FHIT: variants seen among roughly 807,000 people sequenced by gnomAD.
FHIT encodes the protein fragile histidine triad diadenosine triphosphatase.
In FHIT, 19 loss-of-function variants were observed where a neutral mutation model predicts 17.9. The observed-to-expected ratio is 1.06, with a 90% confidence interval of 0.74 to 1.56. The LOEUF (loss-of-function observed/expected upper bound fraction) is 1.56. Among genes scored for constraint, FHIT ranks in the 40% most tolerant of loss-of-function variants. The probability of loss-of-function intolerance (pLI) is 0.00; values close to 1 mark genes in which losing one functional copy is unlikely to be tolerated. For missense variants in FHIT, 248 were observed against 189.2 expected (o/e 1.31, Z -1.82); for synonymous variants, 81 against 69.7 (o/e 1.16, Z -0.81).
intron 5 of FHIT, among the ~76,000 whole-genome samples, chr3:60,165,864 G>T (rs1701149880): frequency 6.6e-6 from 1 of 152,142 alleles, no homozygotes; most frequent in African/African-American, 2.4e-5. Flanking sequence ...TCAGGGCTGT[G>T]TGTGTATATT....
intron 5 of FHIT, among the ~76,000 whole-genome samples, chr3:60,511,321 T>C (rs2034942546): frequency 6.6e-6 from 1 of 152,196 alleles, no homozygotes; most frequent in South Asian, 2.1e-4. Flanking sequence ...TACTGAGCTA[T>C]ACAGAAATGG....
At chr3:60,089,121 G>A (rs868381189) in intron 5 of FHIT, among the ~76,000 whole-genome samples, 25 of 152,154 alleles carry the variant, frequency 1.6e-4, no homozygotes, top group African/African-American at 5.8e-4. Context: ...ACAGCTAGCT[G>A]CATAATTCCA....
intron 4 of FHIT, among the ~76,000 whole-genome samples, chr3:60,709,386 T>C (rs2041458083): frequency 6.6e-6 from 1 of 152,102 alleles, no homozygotes; most frequent in Non-Finnish European, 1.5e-5. Context: ...AGAAGGAATA[T>C]TTTAATAGCC....
intron 4 of FHIT, among the ~76,000 whole-genome samples, chr3:60,561,386 C>A (rs1472242766): frequency 1.3e-5 from 2 of 152,008 alleles, no homozygotes; most frequent in African/African-American, 4.8e-5. Flanking sequence ...CCAGTTACAA[C>A]CAAGTTATAG....
chr3:61,037,868 T>A (rs192252771), intron 3 of FHIT, among the ~76,000 whole-genome samples: 1 of 152,264 alleles, frequency 6.6e-6, no homozygotes, highest in African/African-American at 2.4e-5. Flanking sequence ...AGTTACCCAG[T>A]CTCACATATT....
chr3:60,744,816 C>T (rs2042324338), intron 4 of FHIT, among the ~76,000 whole-genome samples: 1 of 152,168 alleles, frequency 6.6e-6, no homozygotes, highest in Non-Finnish European at 1.5e-5. Context: ...GGCCCATCTT[C>T]TGATTAAACT....
At chr3:60,583,062 C>G (rs1397310430) in intron 4 of FHIT, among the ~76,000 whole-genome samples, 4 of 151,738 alleles carry the variant, frequency 2.6e-5, no homozygotes, top group African/African-American at 7.3e-5. Context: ...GCGTCTAAAT[C>G]AGAACATGTC....
chr3:59,806,890 G>C (rs1010824038), intron 8 of FHIT, among the ~76,000 whole-genome samples: 2 of 152,010 alleles, frequency 1.3e-5, no homozygotes, highest in Non-Finnish European at 2.9e-5. Context: ...TCAAGAAAAA[G>C]ATAAGGGAAA....
intron 5 of FHIT, among the ~76,000 whole-genome samples, chr3:60,127,534 C>T (rs1705610017): frequency 6.6e-6 from 1 of 152,134 alleles, no homozygotes; most frequent in African/African-American, 2.4e-5. Flanking sequence ...AGTTTACATA[C>T]TAAGTTACTC....
At chr3:60,511,084 A>G (rs1464717163) in intron 5 of FHIT, among the ~76,000 whole-genome samples, 1 of 152,144 alleles carries the variant, frequency 6.6e-6, no homozygotes, top group Non-Finnish European at 1.5e-5. Context: ...TCTAAACTCT[A>G]TCATCAGAAT....
intron 5 of FHIT, among the ~76,000 whole-genome samples, chr3:60,042,836 T>C (rs1701497033): frequency 6.6e-6 from 1 of 152,152 alleles, no homozygotes; most frequent in Non-Finnish European, 1.5e-5. Context: ...TAAAAGCTAG[T>C]GGCTGGGATA....
chr3:60,190,340 G>T (rs1222241573), intron 5 of FHIT, among the ~76,000 whole-genome samples: 1 of 151,464 alleles, frequency 6.6e-6, no homozygotes, highest in Non-Finnish European at 1.5e-5. Flanking sequence ...CAGAGAGTGG[G>T]AGTGAGATGA....
chr3:60,231,754 T>C (rs931088822), intron 5 of FHIT, among the ~76,000 whole-genome samples: 5 of 152,216 alleles, frequency 3.3e-5, no homozygotes, highest in African/African-American at 1.2e-4. Flanking sequence ...AGCACATTGA[T>C]GTGTAAAATT....
At chr3:60,464,651 T>C (rs2032683512) in intron 5 of FHIT, among the ~76,000 whole-genome samples, 1 of 152,170 alleles carries the variant, frequency 6.6e-6, no homozygotes, top group African/African-American at 2.4e-5. Context: ...CTTAACACAA[T>C]GACCTCCAGT....
At chr3:60,614,356 A>G (rs2038875639) in intron 4 of FHIT, among the ~76,000 whole-genome samples, 1 of 152,300 alleles carries the variant, frequency 6.6e-6, no homozygotes, top group African/African-American at 2.4e-5. Flanking sequence ...CACACCTACA[A>G]TCCCAGCACT....
At chr3:60,653,205 G>A (rs550904573) in intron 4 of FHIT, among the ~76,000 whole-genome samples, 2 of 152,212 alleles carry the variant, frequency 1.3e-5, no homozygotes, top group South Asian at 4.1e-4. Flanking sequence ...CAGTTTAGGG[G>A]AAAGACACAA....
At chr3:60,266,886 C>G (rs1706603411) in intron 5 of FHIT, among the ~76,000 whole-genome samples, 1 of 151,916 alleles carries the variant, frequency 6.6e-6, no homozygotes, top group African/African-American at 2.4e-5. Flanking sequence ...ATTTACAAAA[C>G]CAAGCAAATT....
At chr3:59,837,550 T>C (rs1701382881) in intron 8 of FHIT, among the ~76,000 whole-genome samples, 2 of 152,110 alleles carry the variant, frequency 1.3e-5, no homozygotes, top group Non-Finnish European at 2.9e-5. Flanking sequence ...AACATTTTCA[T>C]TAGATCTTTT....
intron 5 of FHIT, among the ~76,000 whole-genome samples, chr3:60,194,777 C>T (rs1379746407): frequency 6.6e-6 from 1 of 152,092 alleles, no homozygotes; most frequent in South Asian, 2.1e-4. Flanking sequence ...GGGCAAAGGA[C>T]ATGAACAGAC....
Sources: gnomAD v4.1 joint callset for allele counts (sites outside exome capture counted in the v4.1 genomes callset) on GRCh38, gnomAD v4.1.1 for gene constraint, MANE v1.5 for transcripts, NCBI Gene and HGNC (gene_info 2026-07-23, HGNC 2026-07-21) for gene names.